Variants in CDK14 observed in about 807,000 individuals in gnomAD.
The protein encoded by CDK14 is cyclin dependent kinase 14.
CDK14 carries 34 observed loss-of-function variants against 60.7 expected under a neutral mutation model. That is an observed-to-expected ratio of 0.56 (90% CI 0.43 to 0.75). CDK14 has a LOEUF of 0.75. Among genes scored for constraint, CDK14 ranks in the 30% least tolerant of loss-of-function variants. CDK14 has a pLI of 0.00. For synonymous variants in CDK14, 197 were observed against 203.7 expected (o/e 0.97, Z 0.28); for missense variants, 482 against 564.1 (o/e 0.85, Z 1.47).
intron 5 of CDK14, among the ~76,000 whole-genome samples, chr7:90,817,418 T>C (rs1789393193): frequency 6.6e-6 from 1 of 152,184 alleles, no homozygotes; most frequent in African/African-American, 2.4e-5. Context: ...GGTGGTTCTG[T>C]TATCTGTGAG....
chr7:91,050,435 G>A (rs1797358512), intron 11 of CDK14, among the ~76,000 whole-genome samples: 1 of 151,950 alleles, frequency 6.6e-6, no homozygotes, highest in Non-Finnish European at 1.5e-5. Context: ...TAACAAAAAT[G>A]GAGAAACATT....
chr7:90,831,412 G>A lies in CDK14; in HGVS notation c.545-31763G>A, dbSNP rs561390460. 2.6e-4 allele frequency among the ~76,000 whole-genome samples: 40 copies of A among 152,236 alleles called. No homozygotes were observed. The South Asian group carries it at 7.5e-3, about 28-fold the overall frequency. ...GAGAGCAGGATGGGGGAACCTCCCC[G>A]ATGATCCAATCACCTCCCACCAGGA... On this transcript the variant is annotated intron_variant, in intron 5 of 14. Transcript: ENST00000380050.
intron 8 of CDK14, among the ~76,000 whole-genome samples, chr7:90,955,452 A>G (rs904321498): frequency 6.6e-6 from 1 of 152,156 alleles, no homozygotes; most frequent in Non-Finnish European, 1.5e-5. Context: ...TACTCTGCTG[A>G]TATTTTATTA....
chr7:91,081,068 A>G (rs756355640), intron 12 of CDK14, among the ~76,000 whole-genome samples: 1 of 152,206 alleles, frequency 6.6e-6, no homozygotes, highest in African/African-American at 2.4e-5. Context: ...TATTTCAGAA[A>G]CACTAAGTAA....
chr7:90,836,313 T>C (rs1790097757), intron 5 of CDK14, among the ~76,000 whole-genome samples: 1 of 152,242 alleles, frequency 6.6e-6, no homozygotes, highest in Non-Finnish European at 1.5e-5. Context: ...ATCTTTTTTC[T>C]TTATATCCTT....
intron 3 of CDK14, 126 bp from the exon 4 acceptor site, chr7:90,747,555 T>C: frequency 4.9e-6 from 3 of 612,188 alleles, no homozygotes; most frequent in South Asian, 4.0e-5. Context: ...AAAATAAACA[T>C]GTATGCCAGA....
intron 11 of CDK14, among the ~76,000 whole-genome samples, chr7:91,047,633 C>T (rs144643171): frequency 6.6e-6 from 1 of 152,208 alleles, no homozygotes; most frequent in Non-Finnish European, 1.5e-5. Flanking sequence ...TATGTGTAAG[C>T]CCCACAACAG....
chr7:90,685,790 T>A (rs2116572811), intron 2 of CDK14, among the ~76,000 whole-genome samples: 1 of 151,726 alleles, frequency 6.6e-6, no homozygotes, highest in Non-Finnish European at 1.5e-5. Flanking sequence ...AACTGATATG[T>A]GTAAAATATT....
At chr7:91,186,069 A>G (rs1430590527) in intron 14 of CDK14, among the ~76,000 whole-genome samples, 1 of 150,504 alleles carries the variant, frequency 6.6e-6, no homozygotes, top group South Asian at 2.1e-4. Context: ...ATCTTGTGGC[A>G]TGTGTCAGCA....
At chr7:90,801,190 A>G (rs1788618941) in intron 5 of CDK14, among the ~76,000 whole-genome samples, 1 of 152,126 alleles carries the variant, frequency 6.6e-6, no homozygotes, top group African/African-American at 2.4e-5. Context: ...ATGGACTGGG[A>G]CCTGCATTGG....
chr7:91,032,707 T>C (rs9784996), intron 10 of CDK14, among the ~76,000 whole-genome samples: 8,586 of 152,232 alleles, frequency 0.056, 796 homozygotes, highest in African/African-American at 0.2. Flanking sequence ...CCTACTAACA[T>C]CTTAGTTTCA....
At chr7:91,092,200 T>C (rs1798852038) in intron 12 of CDK14, among the ~76,000 whole-genome samples, 1 of 151,976 alleles carries the variant, frequency 6.6e-6, no homozygotes, top group Non-Finnish European at 1.5e-5. Context: ...AGATGTAGAG[T>C]TAAAGTCAGG....
chr7:90,880,142 G>A (rs1489385545), intron 6 of CDK14, among the ~76,000 whole-genome samples: 3 of 152,224 alleles, frequency 2.0e-5, no homozygotes, highest in African/African-American at 7.2e-5. Flanking sequence ...AGCTCCTTGG[G>A]GGAGGGACAG....
intron 10 of CDK14, among the ~76,000 whole-genome samples, chr7:91,004,494 A>G (rs1009193436): frequency 6.6e-6 from 1 of 152,200 alleles, no homozygotes; most frequent in African/African-American, 2.4e-5. Flanking sequence ...TTTTCTTTTA[A>G]GCCTAAAGGT....
chr7:90,663,959 A>C lies in CDK14; in HGVS notation c.123+59710A>C, dbSNP rs191203061. ...AAATCATGTTTTTGCAATTAAACTA[A>C]AGAGCTTCTGCACAGCAAAAGAAAC... On this transcript the variant is annotated intron_variant, in intron 2 of 14. Coordinates refer to ENST00000380050, the MANE Select transcript of CDK14 (RefSeq NM_001287135.2). Among the ~76,000 whole-genome samples, 104 of 152,302 alleles carry C rather than the reference A, an allele frequency of 6.8e-4. 2 individuals are homozygous for C. Among genetic ancestry groups the C allele is most frequent in the Non-Finnish European group, 8.8e-5 (6 of 68,030 alleles).
intron 2 of CDK14, among the ~76,000 whole-genome samples, chr7:90,634,457 T>G (rs1319118938): frequency 1.8e-4 from 27 of 151,956 alleles, no homozygotes; most frequent in African/African-American, 5.8e-4. Context: ...ACAAAGGACA[T>G]GAACTCATCA....
intron 5 of CDK14, among the ~76,000 whole-genome samples, chr7:90,815,511 A>G (rs1044535503): frequency 2.6e-5 from 4 of 152,216 alleles, no homozygotes; most frequent in Non-Finnish European, 5.9e-5. Context: ...CAGTATGGCA[A>G]TTCCTCAAGG....
chr7:91,091,517 A>ATATATATATAT (rs1562900714), intron 12 of CDK14, among the ~76,000 whole-genome samples: 4 of 141,388 alleles, frequency 2.8e-5, no homozygotes, highest in Non-Finnish European at 4.5e-5. Context: ...ATATATATAT[A>ATATATATATAT]AATTAGCCAG....
chr7:91,020,500 A>C (rs757122363), intron 10 of CDK14, among the ~76,000 whole-genome samples: 1 of 152,232 alleles, frequency 6.6e-6, no homozygotes, highest in Non-Finnish European at 1.5e-5. Flanking sequence ...GTGTGTGTAC[A>C]TGCATGCATG....
Sources: gnomAD v4.1 joint callset for allele counts (sites outside exome capture counted in the v4.1 genomes callset) on GRCh38, gnomAD v4.1.1 for gene constraint, MANE v1.5 for transcripts, NCBI Gene and HGNC (gene_info 2026-07-23, HGNC 2026-07-21) for gene names.